The following BRCA2 variants were observed in gnomAD, a reference collection of about 807,000 sequenced individuals.
BRCA2 encodes BRCA2 DNA repair associated.
In BRCA2, 203 loss-of-function variants were observed where a neutral mutation model predicts 276.7. That is an observed-to-expected ratio of 0.73 (90% CI 0.65 to 0.82). BRCA2 has a LOEUF of 0.82. Among genes scored for constraint, BRCA2 ranks in the 40% least tolerant of loss-of-function variants. The pLI is 0.00. For missense variants in BRCA2, 3,920 were observed against 3,915.0 expected, an observed-to-expected ratio of 1.00 and a Z score of -0.03; for synonymous variants, 1,289 against 1,338.4, an observed-to-expected ratio of 0.96 and a Z score of 0.81.
chr13:32,325,695 C>T (rs984429930), intron 4 of BRCA2, among the ~76,000 whole-genome samples: 64 of 152,008 alleles, frequency 4.2e-4, no homozygotes, highest in African/African-American at 1.5e-3. Context: ...CGCCCGCCAC[C>T]ATGCCCGGCT....
chr13:32,322,876 T>C (rs2072315768), intron 3 of BRCA2, among the ~76,000 whole-genome samples: 1 of 152,260 alleles, frequency 6.6e-6, no homozygotes. Flanking sequence ...AAAGCTGGTA[T>C]AAATATTCAC....
intron 18 of BRCA2, among the ~76,000 whole-genome samples, chr13:32,367,414 G>T (rs1260776779): frequency 6.6e-6 from 1 of 151,982 alleles, no homozygotes; most frequent in Non-Finnish European, 1.5e-5. Context: ...TCTAGCCTGG[G>T]TGACAGAGCG....
At chr13:32,360,430 G>T (rs960947061) in intron 16 of BRCA2, among the ~76,000 whole-genome samples, 1 of 152,100 alleles carries the variant, frequency 6.6e-6, no homozygotes, top group Non-Finnish European at 1.5e-5. Flanking sequence ...TGCAATCTCG[G>T]CTCACTGCAG....
intron 3 of BRCA2, among the ~76,000 whole-genome samples, chr13:32,323,546 T>A (rs1282781529): frequency 6.6e-6 from 1 of 152,210 alleles, no homozygotes; most frequent in African/African-American, 2.4e-5. Flanking sequence ...GTTGGATATT[T>A]TGTTGAAGTG....
At chr13:32,332,046 G>C (rs1411884812) in intron 9 of BRCA2, among the ~76,000 whole-genome samples, 2 of 152,130 alleles carry the variant, frequency 1.3e-5, no homozygotes, top group Non-Finnish European at 2.9e-5. Context: ...TGAATAAAAG[G>C]CTTTAGGTTC....
intron 19 of BRCA2, 136 bp downstream of exon 19, chr13:32,370,693 C>T: frequency 9.6e-7 from 1 of 1,040,120 alleles, no homozygotes; most frequent in Non-Finnish European, 1.4e-6. Context: ...CTGCAGCCTC[C>T]ACCTCCCGGG....
In BRCA2 at chr13:32,336,339, T is replaced by A. The variant is rs2137482360; in HGVS notation, c.1984T>A (p.Ser662Thr). Residue 662 changes from serine to threonine, a missense_variant, in exon 11 of 27, where the codon TCT (serine) becomes ACT (threonine). Ser to Thr is a moderately conservative substitution (Grantham distance 58, BLOSUM62 1). This residue lies in a region of BRCA2 where 3,263 missense variants were observed against 3,156.9 expected (regional missense o/e 1.03). Transcript: ENST00000380152. The part of the protein sequence containing the change: ...SEEPTLSLTS[S>T]FGTILRKCSR... ...AGAACCAACTTTGTCCTTAACTAGC[T>A]CTTTTGGGACAATTCTGAGGAAATG... 1 of 1,605,728 alleles carries A rather than the reference T, an allele frequency of 6.2e-7. No homozygotes were observed. Among genetic ancestry groups the A allele is most frequent in the Non-Finnish European group, 8.5e-7 (1 of 1,176,258 alleles).
In BRCA2 at chr13:32,326,085, CTTTGT is replaced by C. The variant is rs276174844; in HGVS notation, c.426-12_426-8del. 3.7e-6 allele frequency: 6 copies of C among 1,602,672 alleles called. No individual in the cohort carries two copies. The highest frequency in any genetic ancestry group is 5.1e-6 in the Non-Finnish European group (6 of 1,173,250). ...TTTTTAAAATAACCTAAGGGATTTG[CTTTGT>C]TTTATTTTAGTCCTGTTGTTCTACA... On this transcript the variant is annotated splice_polypyrimidine_tract_variant and intron_variant, in intron 4 of 26. Coordinates refer to ENST00000380152, the MANE Select transcript of BRCA2 (RefSeq NM_000059.4).
chr13:32,319,007 T>A (rs2138703100), intron 2 of BRCA2, 70 bp from the exon 3 acceptor site: 1 of 1,583,816 alleles, frequency 6.3e-7, no homozygotes, highest in South Asian at 1.2e-5. Flanking sequence ...CCTTATGATC[T>A]TTAACTGTTC....
intron 11 of BRCA2, among the ~76,000 whole-genome samples, chr13:32,341,680 A>C (rs947166792): frequency 2.0e-5 from 3 of 151,866 alleles, no homozygotes; most frequent in South Asian, 4.2e-4. Flanking sequence ...TCCCGGCTAA[A>C]ACGGTGAAAC....
rs945956095 is a variant in BRCA2, at chr13:32,317,506, G to A, written c.67+979G>A. ...TTTTTGGTATTTTTCCTTGTACTTT[G>A]CATAGATTTTTCAAAGATCTAATAG... On this transcript the variant is annotated intron_variant, in intron 2 of 26. Transcript: ENST00000380152. Among the ~76,000 whole-genome samples the A allele has an allele frequency of 2.6e-5, 4 of 152,076 alleles. No homozygotes were observed. The South Asian group carries it at 8.3e-4, about 32-fold the overall frequency.
intron 15 of BRCA2, among the ~76,000 whole-genome samples, chr13:32,356,884 G>C (rs1018439556): frequency 5.3e-5 from 8 of 152,136 alleles, no homozygotes; most frequent in African/African-American, 1.9e-4. Context: ...CTCTCAGCTA[G>C]GTGTTAAAGT....
chr13:32,388,207 C>T (rs2072974380), intron 24 of BRCA2, among the ~76,000 whole-genome samples: 1 of 151,914 alleles, frequency 6.6e-6, no homozygotes, highest in African/African-American at 2.4e-5. Context: ...CAGCCTCTGC[C>T]TCCCCAGCTC....
In BRCA2 at chr13:32,339,174, A is replaced by G. The variant is rs200582465; in HGVS notation, c.4819A>G (p.Ile1607Val). 13 of 1,613,988 alleles carry G rather than the reference A, an allele frequency of 8.1e-6. No homozygotes were observed. Among genetic ancestry groups the G allele is most frequent in the Middle Eastern group, 3.3e-4 (2 of 6,062 alleles). Reference protein sequence around the residue: ...SLNNDKNLVSIETVVPPKLLS... With the variant: ...SLNNDKNLVSVETVVPPKLLS... ...CAATAATGATAAAAACCTTGTTTCT[A>G]TTGAGACTGTGGTGCCACCTAAGCT... The change falls in exon 11 of 27, where the codon ATT (isoleucine) becomes GTT (valine). Residue 1607 changes from isoleucine (I) to valine (V), a missense_variant. Transcript: ENST00000380152.
intron 13 of BRCA2, among the ~76,000 whole-genome samples, chr13:32,352,966 A>G (rs1368564393): frequency 1.3e-5 from 2 of 152,236 alleles, no homozygotes; most frequent in Non-Finnish European, 2.9e-5. Context: ...AACTCCTTAT[A>G]CTAAAAATAT....
chr13:32,364,066 A>G (rs910015293), intron 18 of BRCA2, among the ~76,000 whole-genome samples: 69 of 152,308 alleles, frequency 4.5e-4, no homozygotes, highest in Middle Eastern at 3.4e-3. Flanking sequence ...CACTCTAAAG[A>G]GAATGTTTTA....
At chr13:32,389,559 A>T (rs1006413978) in intron 24 of BRCA2, among the ~76,000 whole-genome samples, 1 of 152,198 alleles carries the variant, frequency 6.6e-6, no homozygotes, top group Non-Finnish European at 1.5e-5. Flanking sequence ...TAGAATTTGT[A>T]GTTGATAATT....
Position 32,363,313 on chromosome 13 carries a change from C to G in BRCA2, c.8111C>G (p.Ser2704Cys). ...ISLSANISETSSNKTSSADTQ... is the reference protein window; with the variant it reads ...ISLSANISETCSNKTSSADTQ... ...TTGAGCGCAAATATATCTGAAACTT[C>G]TAGCAATAAAACTAGTAGTGCAGAT... The change falls in exon 18 of 27, where the codon TCT (serine) becomes TGT (cysteine). Residue 2704 changes from serine to cysteine, a missense_variant. This residue lies in a region of BRCA2 where 3,263 missense variants were observed against 3,156.9 expected (regional missense o/e 1.03). Coordinates refer to ENST00000380152, the MANE Select transcript of BRCA2 (RefSeq NM_000059.4). 6.2e-7 allele frequency: 1 copy of G among 1,614,148 alleles called. No individual in the cohort carries two copies. The highest frequency in any genetic ancestry group is 8.5e-7 in the Non-Finnish European group (1 of 1,180,012).
rs80359117 is a variant in BRCA2 at position 32,371,061 on chromosome 13, T to C, written c.8593T>C (p.Leu2865=). The change falls in exon 20 of 27, where the codon TTA becomes CTA. Residue 2865 remains leucine, a synonymous_variant. Transcript: ENST00000380152. The part of the protein sequence containing the change: ...VEAQQKRLEA[L]FTKIQEEFEE... ...GGCCCAACAAAAGAGACTAGAAGCC[T>C]TATTCACTAAAATTCAGGAGGAATT... 1 of 1,614,122 alleles carries C rather than the reference T, an allele frequency of 6.2e-7. No homozygotes were observed. The highest frequency in any genetic ancestry group is 8.5e-7 in the Non-Finnish European group (1 of 1,179,980).
Sources: allele counts gnomAD v4.1 joint callset (sites outside exome capture counted in the v4.1 genomes callset), GRCh38; gene constraint gnomAD v4.1.1; regional missense constraint gnomAD v4.1.1; transcripts MANE v1.5; gene names NCBI Gene and HGNC (gene_info 2026-07-23, HGNC 2026-07-21).